Variants in CACNA1D observed in about 807,000 individuals in gnomAD.
CACNA1D encodes the protein voltage-dependent L-type calcium channel subunit alpha-1D.
A neutral mutation model predicts 257.1 loss-of-function variants in CACNA1D; 55 were observed. That is an observed-to-expected ratio of 0.21 (90% confidence interval 0.17 to 0.27). The LOEUF is 0.27. Ranked by LOEUF, CACNA1D falls within the 10% of genes least tolerant of loss-of-function variation. The probability of loss-of-function intolerance (pLI) is 1.00; values close to 1 mark genes in which losing one functional copy is unlikely to be tolerated. For synonymous variants in CACNA1D, 980 were observed against 1,014.9 expected (o/e 0.97, Z 0.65); for missense variants, 1,876 against 2,784.0 (o/e 0.67, Z 7.34).
At chr3:53,655,766 G>GA (rs2094141988) in intron 4 of CACNA1D, among the ~76,000 whole-genome samples, 2 of 152,232 alleles carry the variant, frequency 1.3e-5, no homozygotes, top group East Asian at 3.9e-4. Context: ...TTGTTGTGCA[G>GA]AAGCTCTTAA....
intron 3 of CACNA1D, among the ~76,000 whole-genome samples, chr3:53,624,255 T>G (rs987459243): frequency 2.6e-5 from 4 of 152,252 alleles, no homozygotes; most frequent in Non-Finnish European, 5.9e-5. Context: ...TTCTGTTTTC[T>G]TGGAATGAAG....
At chr3:53,767,508 G>C (rs2095340103) in intron 30 of CACNA1D, among the ~76,000 whole-genome samples, 1 of 148,380 alleles carries the variant, frequency 6.7e-6, no homozygotes, top group African/African-American at 2.5e-5. Context: ...AGAGGTTGCA[G>C]TGAGCCAAGA....
At chr3:53,767,617 C>T (rs2095341518) in intron 30 of CACNA1D, among the ~76,000 whole-genome samples, 1 of 151,688 alleles carries the variant, frequency 6.6e-6, no homozygotes, top group African/African-American at 2.4e-5. Flanking sequence ...AGATACGCCC[C>T]AGATCCATTA....
At chr3:53,619,630 G>A (rs1024426437) in intron 3 of CACNA1D, among the ~76,000 whole-genome samples, 2 of 152,178 alleles carry the variant, frequency 1.3e-5, no homozygotes, top group Non-Finnish European at 2.9e-5. Context: ...TCCCTAACAT[G>A]TCTGACCTTC....
chr3:53,789,305 T>C lies in CACNA1D; in HGVS notation c.4923+2353T>C, dbSNP rs1327411835. Among the ~76,000 whole-genome samples, 1 of 152,250 alleles carries C rather than the reference T, an allele frequency of 6.6e-6. No individual in the cohort carries two copies. Among genetic ancestry groups the C allele is most frequent in the Admixed American group, 6.5e-5 (1 of 15,286 alleles). On this transcript the variant is annotated intron_variant, in intron 40 of 47. Coordinates refer to ENST00000350061, the MANE Select transcript of CACNA1D (RefSeq NM_001128840.3). This position sits in a 1 kb window ranked among gnomAD's most constrained non-coding sequence, Gnocchi z 4.2. ...AATTAAGTTGTGTTCATAATCTTAA[T>C]AGAGAAACTGAAAATGTACTTGATT...
Position 53,771,694 on chromosome 3 carries a change from A to G in CACNA1D, c.4045-1139A>G, listed in dbSNP as rs189062066. On this transcript the variant is annotated intron_variant, in intron 32 of 47. Coordinates refer to ENST00000350061, the MANE Select transcript of CACNA1D (RefSeq NM_001128840.3). ...AAATAGATAATTCAGAGGTAATGTTATCTCACTTTTTAAAGAAATTCTTAA... is the reference window on the plus strand; with the variant it reads ...AAATAGATAATTCAGAGGTAATGTTGTCTCACTTTTTAAAGAAATTCTTAA... Among the ~76,000 whole-genome samples the G allele has an allele frequency of 3.9e-5, 6 of 152,388 alleles. No individual in the cohort carries two copies. The East Asian group carries it at 1.2e-3, about 29-fold the overall frequency.
chr3:53,808,951 C>T, intron 46 of CACNA1D, 181 bp downstream of exon 46: 1 of 666,916 alleles, frequency 1.5e-6, no homozygotes, highest in Non-Finnish European at 2.5e-6. Flanking sequence ...CCCATGCTGC[C>T]CAAGCTCACA....
chr3:53,680,919 A>G (rs2094423981), intron 8 of CACNA1D, among the ~76,000 whole-genome samples: 1 of 152,242 alleles, frequency 6.6e-6, no homozygotes, highest in African/African-American at 2.4e-5. Flanking sequence ...TACAAAGACC[A>G]GTAGATCTAT....
chr3:53,521,305 G>A (rs2091566060), intron 3 of CACNA1D, among the ~76,000 whole-genome samples: 1 of 152,114 alleles, frequency 6.6e-6, no homozygotes, highest in Non-Finnish European at 1.5e-5. Context: ...GCTTCCTAAA[G>A]CATTGGTGTT....
At chr3:53,523,750 G>A (rs1001924879) in intron 3 of CACNA1D, among the ~76,000 whole-genome samples, 5 of 152,324 alleles carry the variant, frequency 3.3e-5, no homozygotes, top group East Asian at 1.9e-4. Context: ...TTTCAATTAC[G>A]GCAAGATCAC....
rs543295955 is a variant in CACNA1D at position 53,524,378 on chromosome 3, G to A, written c.483+22658G>A. ...GAACTTTTTTGCTGTCTTCTTTAGA[G>A]GTGGAAAACAGTTCTTTCCAAAGAC... On this transcript the variant is annotated intron_variant, in intron 3 of 47. Coordinates refer to ENST00000350061, the MANE Select transcript of CACNA1D (RefSeq NM_001128840.3). 2.6e-5 allele frequency among the ~76,000 whole-genome samples: 4 copies of A among 152,316 alleles called. No homozygotes were observed. In the South Asian group the frequency reaches 8.3e-4, roughly 32 times the overall value.
chr3:53,725,317 G>T (rs1471275577), intron 14 of CACNA1D, among the ~76,000 whole-genome samples: 2 of 152,114 alleles, frequency 1.3e-5, no homozygotes, highest in South Asian at 4.1e-4. Context: ...CGTCCATGCG[G>T]TGGTAGATGT....
intron 3 of CACNA1D, among the ~76,000 whole-genome samples, chr3:53,620,988 C>G (rs2093690804): frequency 6.6e-6 from 1 of 152,216 alleles, no homozygotes; most frequent in African/African-American, 2.4e-5. Flanking sequence ...GCAAGAAGAG[C>G]ACTTCCTAAG....
chr3:53,646,759 G>T (rs2094025263), intron 3 of CACNA1D, among the ~76,000 whole-genome samples: 1 of 152,234 alleles, frequency 6.6e-6, no homozygotes, highest in Non-Finnish European at 1.5e-5. Context: ...AGCAGCTTGG[G>T]AGCTCTGTGA....
At chr3:53,756,353 A>G (rs1169246770) in intron 29 of CACNA1D, among the ~76,000 whole-genome samples, 3 of 152,184 alleles carry the variant, frequency 2.0e-5, no homozygotes, top group Non-Finnish European at 4.4e-5. Context: ...GCCAACCCAG[A>G]GGGAGGTGGG....
intron 10 of CACNA1D, among the ~76,000 whole-genome samples, chr3:53,719,269 C>T (rs1436656620): frequency 6.6e-6 from 1 of 152,220 alleles, no homozygotes; most frequent in Non-Finnish European, 1.5e-5. Context: ...TCTTGCTCTG[C>T]CCTCTCTGAG....
intron 3 of CACNA1D, among the ~76,000 whole-genome samples, chr3:53,609,693 C>T (rs879581396): frequency 5.3e-5 from 8 of 152,104 alleles, no homozygotes; most frequent in South Asian, 4.1e-4. Flanking sequence ...TTCTAAGAGT[C>T]GTTGATGTTG....
chr3:53,804,832 T>C (rs922805934), intron 44 of CACNA1D, 151 bp from the exon 45 acceptor site: 10 of 764,890 alleles, frequency 1.3e-5, no homozygotes, highest in Non-Finnish European at 2.0e-5. Context: ...CCATCTGGAA[T>C]CTTCCATGAA....
At chr3:53,507,862 A>C (rs2090920133) in intron 3 of CACNA1D, among the ~76,000 whole-genome samples, 1 of 152,188 alleles carries the variant, frequency 6.6e-6, no homozygotes, top group Admixed American at 6.5e-5. Flanking sequence ...GATTGTGGGA[A>C]TACAACTCAC....
Sources: allele counts gnomAD v4.1 joint callset (sites outside exome capture counted in the v4.1 genomes callset), GRCh38; gene constraint gnomAD v4.1.1; non-coding constraint Gnocchi (gnomAD v3.1); transcripts MANE v1.5; gene names NCBI Gene and HGNC (gene_info 2026-07-23, HGNC 2026-07-21).